The following ACSM3 variants were observed in gnomAD, a reference collection of about 807,000 sequenced individuals.
ACSM3 encodes the protein acyl-coenzyme A synthetase ACSM3, mitochondrial.
In ACSM3, 61 loss-of-function variants were observed where a neutral mutation model predicts 74.1. The ratio of observed to expected loss-of-function variants is 0.82; its 90% confidence interval spans 0.67 to 1.02. ACSM3 has a LOEUF of 1.02. Ranked by LOEUF, ACSM3 falls within the 50% of genes least tolerant of loss-of-function variation. ACSM3 has a pLI of 0.00. For synonymous variants in ACSM3, 213 were observed against 241.5 expected, an observed-to-expected ratio of 0.88 and a Z score of 1.09; for missense variants, 660 against 697.0, an observed-to-expected ratio of 0.95 and a Z score of 0.60.
chr16:20,685,326 C>T, intron 1 of ACSM3: 1 of 1,614,210 alleles, frequency 6.2e-7, no homozygotes, highest in South Asian at 1.1e-5. Flanking sequence ...GGTCTCCCAT[C>T]TCTCTGAAGC....
chr16:20,792,554 G>A (rs748506259), intron 12 of ACSM3: 34 of 985,300 alleles, frequency 3.5e-5, no homozygotes, highest in Admixed American at 1.2e-4. Flanking sequence ...CTGAAAATAC[G>A]TACTAGAAAG....
chr16:20,742,813 A>ATTTTTTTT (rs372677216), intron 1 of ACSM3, among the ~76,000 whole-genome samples: 9 of 66,818 alleles, frequency 1.3e-4, no homozygotes, highest in African/African-American at 3.4e-4. Flanking sequence ...ATATATATAT[A>ATTTTTTTT]TTTTTTTTTT....
intron 1 of ACSM3, chr16:20,729,513 A>C: frequency 1.6e-6 from 1 of 607,574 alleles, no homozygotes; most frequent in East Asian, 2.9e-5. Context: ...GCAGTTGTCA[A>C]ATCAGCTGTT....
chr16:20,714,588 A>G (rs1289794337), intron 1 of ACSM3, among the ~76,000 whole-genome samples: 1 of 152,156 alleles, frequency 6.6e-6, no homozygotes, highest in African/African-American at 2.4e-5. Context: ...AAACTAAAGA[A>G]CTAGCAGGAC....
intron 1 of ACSM3, among the ~76,000 whole-genome samples, chr16:20,726,135 T>C (rs1266715466): frequency 6.6e-6 from 1 of 152,076 alleles, no homozygotes; most frequent in African/African-American, 2.4e-5. Flanking sequence ...ATTTATCCTC[T>C]AGTACTACTT....
intron 3 of ACSM3, among the ~76,000 whole-genome samples, chr16:20,755,787 C>A (rs1387211111): frequency 5.2e-5 from 4 of 76,864 alleles, no homozygotes; most frequent in East Asian, 5.8e-4. Flanking sequence ...CCTCCCCCCC[C>A]CCCACCCCAC....
chr16:20,763,017 A>T (rs960541633), upstream of ACSM3, among the ~76,000 whole-genome samples: 6 of 152,258 alleles, frequency 3.9e-5, no homozygotes, highest in African/African-American at 1.4e-4. Flanking sequence ...TTACACAGAA[A>T]ATCCCAAGGA....
chr16:20,789,203 A>G (rs2080539544), intron 9 of ACSM3, among the ~76,000 whole-genome samples: 1 of 152,176 alleles, frequency 6.6e-6, no homozygotes, highest in Admixed American at 6.5e-5. Context: ...TTAAAAGCAT[A>G]TGATCTGGAG....
In ACSM3 at chr16:20,780,700, T is replaced by C; in HGVS notation, c.639-14T>C. 2 of 1,614,178 alleles carry C rather than the reference T, an allele frequency of 1.2e-6. No homozygotes were observed. The highest frequency in any genetic ancestry group is 1.1e-5 in the South Asian group (1 of 91,084). The stretch of plus-strand genomic sequence containing the variant: ...TGTGTTTAACATGCAGTCATTGTAG[T>C]TTTTCCTTTGCAGACATGCCAGTGA... On this transcript the variant is annotated splice_polypyrimidine_tract_variant and intron_variant, in intron 4 of 13. Transcript: ENST00000289416.
chr16:20,726,479 C>T (rs991984174), intron 1 of ACSM3, among the ~76,000 whole-genome samples: 5 of 152,226 alleles, frequency 3.3e-5, no homozygotes, highest in Non-Finnish European at 5.9e-5. Context: ...GCCTTTGGTC[C>T]TATGTGAGCA....
chr16:20,784,884 G>A lies in ACSM3; in HGVS notation c.1020-100G>A, dbSNP rs1277684237. ...GTGCTAGGGAGAGGAATTAAAAAGC[G>A]ACTAAAACATTTTATATTGAAGTTC... is the stretch of plus-strand genomic sequence containing the variant. On this transcript the variant is annotated intron_variant, in intron 7 of 13. Coordinates refer to ENST00000289416, the MANE Select transcript of ACSM3 (RefSeq NM_005622.4). 7 of 1,354,912 alleles carry A rather than the reference G, an allele frequency of 5.2e-6. No individual in the cohort carries two copies. In the African/African-American group the frequency reaches 1.0e-4, roughly 20 times the overall value. 83.9% of individuals were successfully genotyped at this position (1,354,912 alleles called of 1,614,324 possible).
At chr16:20,738,880 G>T in intron 1 of ACSM3, 2 of 1,612,364 alleles carry the variant, frequency 1.2e-6, no homozygotes, top group Non-Finnish European at 1.7e-6. Context: ...GATAATCTTA[G>T]CAAGTATTTG....
intron 1 of ACSM3, among the ~76,000 whole-genome samples, chr16:20,693,059 A>G (rs1295700390): frequency 6.6e-6 from 1 of 151,962 alleles, no homozygotes; most frequent in African/African-American, 2.4e-5. Flanking sequence ...AGTCCCAGCT[A>G]CTGGTGAGGC....
In ACSM3 at chr16:20,685,510, G is replaced by C; in HGVS notation, c.-190+10688G>C. ...CGTTCCAATGTGAACACAGCTTAAG[G>C]ACTGAGATCCCATTTTAAAACATTT... On this transcript the variant is annotated intron_variant, in intron 1 of 3. Coordinates refer to the ACSM3 transcript ENST00000561584. 3 of 1,039,968 alleles carry C rather than the reference G, an allele frequency of 2.9e-6. No individual in the cohort carries two copies. The South Asian group carries it at 4.0e-5, about 14-fold the overall frequency. The allele number at this position is 1,039,968 out of a possible 1,614,324, so 64.4% of individuals were successfully genotyped here.
intron 1 of ACSM3, among the ~76,000 whole-genome samples, chr16:20,708,303 AAAC>A (rs869219405): frequency 7.9e-5 from 12 of 152,072 alleles, no homozygotes; most frequent in Non-Finnish European, 1.2e-4. Context: ...CCTGTCTCAA[AAAC>A]AACAACAACA....
At chr16:20,761,287 T>C (rs1445686907), upstream of ACSM3, among the ~76,000 whole-genome samples, 2 of 152,186 alleles carry the variant, frequency 1.3e-5, no homozygotes, top group Non-Finnish European at 2.9e-5. Flanking sequence ...CTAAAATGTA[T>C]CAAATCAAAC....
intron 1 of ACSM3, among the ~76,000 whole-genome samples, chr16:20,739,410 A>C (rs1010928671): frequency 3.3e-4 from 50 of 151,972 alleles, no homozygotes; most frequent in African/African-American, 1.2e-3. Context: ...TCCTCAGGTG[A>C]TCCACTCGCC....
chr16:20,696,724 C>T (rs969722249), intron 1 of ACSM3, among the ~76,000 whole-genome samples: 3 of 152,178 alleles, frequency 2.0e-5, no homozygotes, highest in African/African-American at 7.2e-5. Context: ...GCTGGGCTCC[C>T]CACTGTATTC....
intron 1 of ACSM3, among the ~76,000 whole-genome samples, chr16:20,685,832 C>CAAAAAAAAAAA (rs1469791653): frequency 4.2e-5 from 3 of 72,130 alleles, no homozygotes; most frequent in African/African-American, 6.5e-5. Context: ...AAAAAAAAAA[C>CAAAAAAAAAAA]AAACAAAAAA....
Sources: allele counts gnomAD v4.1 joint callset (sites outside exome capture counted in the v4.1 genomes callset), GRCh38; gene constraint gnomAD v4.1.1; transcripts MANE v1.5; gene names NCBI Gene and HGNC (gene_info 2026-07-23, HGNC 2026-07-21).